Variants in TRPC4AP observed in about 807,000 individuals in gnomAD.
TRPC4AP encodes the protein transient receptor potential cation channel subfamily C member 4 associated protein.
In TRPC4AP, 45 loss-of-function variants were observed where a neutral mutation model predicts 99.0. The observed-to-expected ratio is 0.45, with a 90% confidence interval of 0.36 to 0.58. The LOEUF (loss-of-function observed/expected upper bound fraction) is 0.58. Among genes scored for constraint, TRPC4AP ranks in the 20% least tolerant of loss-of-function variants. TRPC4AP has a pLI of 0.00. For missense variants in TRPC4AP, 879 were observed against 985.3 expected, an observed-to-expected ratio of 0.89 and a Z score of 1.44; for synonymous variants, 408 against 385.8, an observed-to-expected ratio of 1.06 and a Z score of -0.67.
At chr20:35,051,247 T>C (rs2083693054) in intron 5 of TRPC4AP, among the ~76,000 whole-genome samples, 1 of 152,184 alleles carries the variant, frequency 6.6e-6, no homozygotes, top group African/African-American at 2.4e-5. Context: ...AACCCCAAGC[T>C]AGGAGGCATT....
intron 1 of TRPC4AP, among the ~76,000 whole-genome samples, chr20:35,085,979 C>G (rs572376233): frequency 6.6e-6 from 1 of 152,058 alleles, no homozygotes; most frequent in Non-Finnish European, 1.5e-5. Flanking sequence ...AAGGGTCTCG[C>G]GCAATCTCAC....
In TRPC4AP at chr20:35,011,015, C is replaced by T. The variant is rs575381431; in HGVS notation, c.1410-727G>A. Among the ~76,000 whole-genome samples the T allele has an allele frequency of 2.0e-5, 3 of 152,318 alleles. No individual in the cohort carries two copies. The South Asian group carries it at 6.2e-4, about 32-fold the overall frequency. On this transcript the variant is annotated intron_variant, in intron 11 of 18. Transcript: ENST00000252015. ...GTGGTTCACGTCTGTAATCCCAGCA[C>T]TTTGGAAGGTCCAGGCGGGTGGATC...
chr20:35,021,955 T>G (rs1008640618), intron 8 of TRPC4AP, among the ~76,000 whole-genome samples: 2 of 152,232 alleles, frequency 1.3e-5, no homozygotes, highest in Non-Finnish European at 2.9e-5. Flanking sequence ...ATGTCATTAC[T>G]GCTAACATCA....
chr20:35,050,489 C>A (rs918784097), intron 5 of TRPC4AP, among the ~76,000 whole-genome samples: 2 of 151,948 alleles, frequency 1.3e-5, no homozygotes, highest in African/African-American at 4.8e-5. Context: ...CCAAGGTGGG[C>A]AGATCACTTG....
chr20:35,079,424 A>C (rs917421133), intron 1 of TRPC4AP, among the ~76,000 whole-genome samples: 15 of 152,328 alleles, frequency 9.8e-5, no homozygotes, highest in Admixed American at 5.2e-4. Flanking sequence ...CTGAATGCAT[A>C]TAATAGAAAA....
intron 13 of TRPC4AP, 138 bp downstream of exon 13, chr20:35,008,524 AGT>A (rs2147267919): frequency 1.4e-6 from 1 of 711,956 alleles, no homozygotes; most frequent in East Asian, 2.6e-5. Flanking sequence ...ACAAGATGGC[AGT>A]CAAACCACCT....
At chr20:35,077,152 G>A (rs2084502589) in intron 2 of TRPC4AP, among the ~76,000 whole-genome samples, 1 of 152,138 alleles carries the variant, frequency 6.6e-6, no homozygotes, top group Non-Finnish European at 1.5e-5. Context: ...GATTTTCTGG[G>A]TACCATCTGT....
chr20:35,036,262 T>C (rs2083314161), intron 7 of TRPC4AP, among the ~76,000 whole-genome samples: 1 of 152,166 alleles, frequency 6.6e-6, no homozygotes, highest in Non-Finnish European at 1.5e-5. Flanking sequence ...TAAGTCTCCC[T>C]GGAAGGACAG....
At chr20:35,028,387 C>T (rs888614816) in intron 8 of TRPC4AP, among the ~76,000 whole-genome samples, 82 of 152,050 alleles carry the variant, frequency 5.4e-4, no homozygotes, top group African/African-American at 1.9e-3. Context: ...CCACCGCGCC[C>T]GGCCTCAAGA....
Position 35,003,269 on chromosome 20 carries a change from G to A in TRPC4AP, c.2271C>T (p.Ser757=). The A allele has an allele frequency of 6.2e-7, 1 of 1,614,176 alleles. No homozygotes were observed. Among genetic ancestry groups the A allele is most frequent in the African/African-American group, 1.3e-5 (1 of 75,066 alleles). The change falls in exon 19 of 19, where the codon AGC becomes AGT. Residue 757 remains serine, a synonymous_variant. Transcript: ENST00000252015. ...STCLENSSCI[S]FSYWKETVSI... is the part of the protein sequence containing the mutation. ...ACACTGTCTCCTTCCAGTATGAGAA[G>A]CTGATGCAGGAGCTCTGGGCAAAGA... is the stretch of plus-strand genomic sequence containing the variant.
intron 2 of TRPC4AP, 59 bp downstream of exon 2, chr20:35,077,987 A>G: frequency 1.3e-6 from 2 of 1,491,914 alleles, no homozygotes; most frequent in Non-Finnish European, 9.0e-7. Context: ...AAAAAACAGC[A>G]GACATCTTGT....
At position 35,004,588 on chromosome 20, in the gene TRPC4AP, G is replaced by A; in HGVS notation, c.1937-18C>T. The A allele has an allele frequency of 6.2e-7, 1 of 1,608,398 alleles. No individual in the cohort carries two copies. Among genetic ancestry groups the A allele is most frequent in the Non-Finnish European group, 8.5e-7 (1 of 1,176,512 alleles). ...CTCGGCAACTGTGGAGGGAGGCAGG[G>A]GTGCAGCAGGTCAGGCTTAGGCCCA... is the stretch of plus-strand genomic sequence containing the variant. On this transcript the variant is annotated intron_variant, in intron 16 of 18. Transcript: ENST00000252015.
chr20:35,021,855 G>A (rs998660922), intron 8 of TRPC4AP, among the ~76,000 whole-genome samples: 1 of 152,164 alleles, frequency 6.6e-6, no homozygotes, highest in Non-Finnish European at 1.5e-5. Flanking sequence ...TTTTTCTAAG[G>A]TTCAACTTTC....
Position 35,002,805 on chromosome 20 carries a change from C to A in TRPC4AP, c.*341G>T. 4.5e-6 allele frequency: 1 copy of A among 223,738 alleles called. No individual in the cohort carries two copies. The highest frequency in any genetic ancestry group is 8.9e-6 in the Non-Finnish European group (1 of 112,724). 13.9% of individuals were successfully genotyped at this position (223,738 alleles called of 1,614,324 possible). ...GTGGGGGTCACCCATATCTTCCTCC[C>A]CACTCTGGGACTGACTGACAGCCAA... On this transcript the variant is annotated 3_prime_UTR_variant, in exon 19 of 19. Coordinates refer to ENST00000252015, the MANE Select transcript of TRPC4AP (RefSeq NM_015638.3).
At chr20:35,014,223 A>G in intron 10 of TRPC4AP, among the ~76,000 whole-genome samples, 1 of 152,048 alleles carries the variant, frequency 6.6e-6, no homozygotes, top group East Asian at 1.9e-4. Flanking sequence ...CTGCTAGCTC[A>G]TGCAGTGGGC....
At chr20:35,031,799 C>T (rs982019213) in intron 8 of TRPC4AP, among the ~76,000 whole-genome samples, 3 of 152,098 alleles carry the variant, frequency 2.0e-5, no homozygotes, top group Admixed American at 6.6e-5. Flanking sequence ...TGTTTAATCT[C>T]TATCAACCTA....
intron 3 of TRPC4AP, among the ~76,000 whole-genome samples, chr20:35,065,364 G>A (rs1229381815): frequency 6.6e-6 from 1 of 152,028 alleles, no homozygotes; most frequent in Non-Finnish European, 1.5e-5. Context: ...GCTTGCTCTG[G>A]GTCTGCTTCA....
intron 3 of TRPC4AP, among the ~76,000 whole-genome samples, chr20:35,064,922 T>C (rs543801559): frequency 1.3e-5 from 2 of 152,344 alleles, no homozygotes; most frequent in Admixed American, 6.5e-5. Context: ...CACCTAACGG[T>C]CTTGGTATAC....
chr20:35,067,326 T>C (rs2084170380), intron 3 of TRPC4AP, among the ~76,000 whole-genome samples: 1 of 152,190 alleles, frequency 6.6e-6, no homozygotes. Context: ...CTCAGTACTT[T>C]TTTTTTAAAT....
Sources: allele counts gnomAD v4.1 joint callset (sites outside exome capture counted in the v4.1 genomes callset), GRCh38; gene constraint gnomAD v4.1.1; transcripts MANE v1.5; gene names NCBI Gene and HGNC (gene_info 2026-07-23, HGNC 2026-07-21).